The following TMEM135 variants were observed in gnomAD, a reference collection of about 807,000 sequenced individuals.
The protein encoded by TMEM135 is peroxisomal membrane protein 52.
TMEM135 carries 30 observed loss-of-function variants against 60.3 expected under a neutral mutation model. The observed-to-expected ratio is 0.50, with a 90% CI of 0.37 to 0.68. The LOEUF is 0.68. Among genes scored for constraint, TMEM135 ranks in the 30% least tolerant of loss-of-function variants. The probability of loss-of-function intolerance (pLI) is 0.00; values close to 1 mark genes in which losing one functional copy is unlikely to be tolerated. For missense variants in TMEM135, 468 were observed against 548.8 expected (o/e 0.85, Z 1.47); for synonymous variants, 190 against 186.7 (o/e 1.02, Z -0.14).
At chr11:87,310,220 T>G (rs1367274519) in intron 10 of TMEM135, among the ~76,000 whole-genome samples, 4 of 152,162 alleles carry the variant, frequency 2.6e-5, no homozygotes, top group East Asian at 1.9e-4. Context: ...CCCCATTCTG[T>G]ATGTTCCTAT....
At chr11:87,209,201 A>G (rs923877275) in intron 5 of TMEM135, among the ~76,000 whole-genome samples, 7 of 152,198 alleles carry the variant, frequency 4.6e-5, no homozygotes, top group East Asian at 1.9e-4. Context: ...TCACATATCA[A>G]TATTGACCCT....
intron 6 of TMEM135, among the ~76,000 whole-genome samples, chr11:87,268,314 CTA>C (rs969525915): frequency 6.6e-6 from 1 of 150,684 alleles, no homozygotes; most frequent in Non-Finnish European, 1.5e-5. Context: ...CGGGGTCTCC[CTA>C]TGTTTTCCAG....
chr11:87,094,312 C>T (rs150501575), intron 4 of TMEM135, among the ~76,000 whole-genome samples: 15 of 152,250 alleles, frequency 9.9e-5, no homozygotes, highest in Non-Finnish European at 1.8e-4. Flanking sequence ...GAAGCCGTCA[C>T]GCTACAGGTT....
At chr11:87,136,642 T>C (rs1399111905) in intron 4 of TMEM135, among the ~76,000 whole-genome samples, 2 of 146,834 alleles carry the variant, frequency 1.4e-5, no homozygotes, top group East Asian at 4.1e-4. Context: ...TTTGGCAAGA[T>C]ATTTTACTAC....
chr11:87,262,287 G>A (rs1380703330), intron 6 of TMEM135, among the ~76,000 whole-genome samples: 1 of 152,126 alleles, frequency 6.6e-6, no homozygotes, highest in African/African-American at 2.4e-5. Context: ...TGGTTCAAAT[G>A]TACTAGACAT....
At chr11:87,168,735 A>T (rs1939140794) in intron 5 of TMEM135, among the ~76,000 whole-genome samples, 1 of 152,094 alleles carries the variant, frequency 6.6e-6, no homozygotes, top group African/African-American at 2.4e-5. Flanking sequence ...TTATCTGGTC[A>T]ATTTTAGAAG....
chr11:87,254,820 T>C (rs552997642), intron 6 of TMEM135, among the ~76,000 whole-genome samples: 29 of 152,128 alleles, frequency 1.9e-4, no homozygotes, highest in Non-Finnish European at 3.1e-4. Context: ...AGGACAGAAC[T>C]GGAGATCTTA....
At chr11:87,170,327 C>CT (rs144148114) in intron 5 of TMEM135, among the ~76,000 whole-genome samples, 213 of 62,170 alleles carry the variant, frequency 3.4e-3, no homozygotes, top group African/African-American at 0.013. Context: ...TTGTTTCCTT[C>CT]TGGCCAGGAG....
chr11:87,215,987 GAGAA>G (rs1335438314), intron 5 of TMEM135, among the ~76,000 whole-genome samples: 2 of 152,168 alleles, frequency 1.3e-5, no homozygotes, highest in South Asian at 2.1e-4. Flanking sequence ...GAAGATGAGA[GAGAA>G]AGAGAGAGAG....
intron 3 of TMEM135, among the ~76,000 whole-genome samples, chr11:87,072,627 C>T (rs1009136112): frequency 4.6e-5 from 7 of 152,070 alleles, no homozygotes; most frequent in African/African-American, 9.7e-5. Context: ...GTGATCCGCC[C>T]GCCTTGGCCT....
chr11:87,277,043 G>T (rs949855298), intron 6 of TMEM135: 1 of 152,502 alleles, frequency 6.6e-6, no homozygotes, highest in Non-Finnish European at 1.5e-5. Flanking sequence ...TTTATATTAT[G>T]AATTTTTAGG....
chr11:87,169,799 G>A (rs749822280), intron 5 of TMEM135, among the ~76,000 whole-genome samples: 5 of 152,206 alleles, frequency 3.3e-5, no homozygotes, highest in Non-Finnish European at 5.9e-5. Context: ...TCTTCTCGAG[G>A]AGTATCTTTG....
At chr11:87,161,650 A>G (rs999207358) in intron 5 of TMEM135, among the ~76,000 whole-genome samples, 1 of 152,160 alleles carries the variant, frequency 6.6e-6, no homozygotes, top group Non-Finnish European at 1.5e-5. Context: ...TACAGCAGTG[A>G]CAGAGAGTCA....
rs551110010 is a variant in TMEM135, at chr11:87,100,892, C to A, written c.396+9497C>A. 9.2e-5 allele frequency among the ~76,000 whole-genome samples: 14 copies of A among 152,082 alleles called. No homozygotes were observed. In the South Asian group the frequency reaches 2.3e-3, roughly 25 times the overall value. ...AAAGAGCTTTAAGAAAAAGAGCCAT[C>A]AGATACAAGTAAGTTTTGATAAGTT... is the stretch of plus-strand genomic sequence containing the variant. On this transcript the variant is annotated intron_variant, in intron 4 of 14. Coordinates refer to ENST00000305494, the MANE Select transcript of TMEM135 (RefSeq NM_022918.4).
chr11:87,120,931 A>G (rs976537136), intron 4 of TMEM135: 1 of 152,186 alleles, frequency 6.6e-6, no homozygotes, highest in African/African-American at 2.4e-5. Context: ...GACTCTTCAT[A>G]TGTTTTGTAC....
intron 6 of TMEM135, among the ~76,000 whole-genome samples, chr11:87,262,904 C>T (rs1418296855): frequency 1.3e-5 from 2 of 152,028 alleles, no homozygotes; most frequent in Admixed American, 6.6e-5. Flanking sequence ...TGCTCATTTA[C>T]CAAGGCGTTT....
intron 5 of TMEM135, among the ~76,000 whole-genome samples, chr11:87,210,010 A>G (rs918785098): frequency 6.6e-6 from 1 of 152,212 alleles, no homozygotes; most frequent in African/African-American, 2.4e-5. Context: ...GAATCTTTGG[A>G]CACAGCTAAA....
At chr11:87,105,341 C>T (rs1400909494) in intron 4 of TMEM135, among the ~76,000 whole-genome samples, 4 of 152,162 alleles carry the variant, frequency 2.6e-5, no homozygotes, top group African/African-American at 9.7e-5. Context: ...CTCATAGGAT[C>T]CCGAACCCAA....
At chr11:87,109,320 A>G (rs1460704560) in intron 4 of TMEM135, among the ~76,000 whole-genome samples, 1 of 152,186 alleles carries the variant, frequency 6.6e-6, no homozygotes, top group Non-Finnish European at 1.5e-5. Context: ...CTATATATGC[A>G]TATCCTAATG....
Sources: gnomAD v4.1 joint callset for allele counts (sites outside exome capture counted in the v4.1 genomes callset) on GRCh38, gnomAD v4.1.1 for gene constraint, MANE v1.5 for transcripts, NCBI Gene and HGNC (gene_info 2026-07-23, HGNC 2026-07-21) for gene names.